The following MAP2K5 variants were observed in gnomAD, a reference collection of about 807,000 sequenced individuals.
MAP2K5 encodes the protein mitogen-activated protein kinase kinase 5.
A neutral mutation model predicts 83.1 loss-of-function variants in MAP2K5; 49 were observed. The observed-to-expected ratio is 0.59, with a 90% CI of 0.47 to 0.75. The LOEUF (loss-of-function observed/expected upper bound fraction) is 0.75, where lower values mean the gene tolerates loss of function less well. MAP2K5 is among the 30% of genes least tolerant of loss of function. The pLI is 0.00. For missense variants in MAP2K5, 457 were observed against 557.5 expected (o/e 0.82, Z 1.82); for synonymous variants, 202 against 191.8 (o/e 1.05, Z -0.44).
Position 67,769,781 on chromosome 15 carries a change from G to A in MAP2K5, c.1196+118G>A, listed in dbSNP as rs2090107741. 1.2e-5 allele frequency: 11 copies of A among 945,630 alleles called. No individual in the cohort carries two copies. Among genetic ancestry groups the A allele is most frequent in the Admixed American group, 9.1e-5 (4 of 44,000 alleles). 58.6% of individuals were successfully genotyped at this position (945,630 alleles called of 1,614,324 possible). A position where few individuals can be genotyped will look rare whatever the true frequency, so the allele number is the denominator to read the frequency against. ...TCCTTTTGGAGACAGGAGGGACTTC[G>A]GGGCCTTGGGCAGATGGGGCAGCAA... On this transcript the variant is annotated intron_variant, in intron 20 of 21. Coordinates refer to ENST00000178640, the MANE Select transcript of MAP2K5 (RefSeq NM_145160.3). The surrounding 1 kb of genome is among the most constrained non-coding windows in gnomAD (Gnocchi z 5.2).
chr15:67,612,897 A>G (rs1272155411), intron 8 of MAP2K5, among the ~76,000 whole-genome samples: 1 of 152,200 alleles, frequency 6.6e-6, no homozygotes, highest in African/African-American at 2.4e-5. Context: ...TGATTTCAGC[A>G]TTGATTTTGG....
At chr15:67,683,143 A>C (rs543634287) in intron 13 of MAP2K5, among the ~76,000 whole-genome samples, 1 of 142,720 alleles carries the variant, frequency 7.0e-6, no homozygotes, top group African/African-American at 2.8e-5. Flanking sequence ...ACTCTGTCTC[A>C]AAAAAAAAAA....
Position 67,562,495 on chromosome 15 carries a change from ATACT to A in MAP2K5, c.185-783_185-780del, listed in dbSNP as rs893353963. Among the ~76,000 whole-genome samples the A allele has an allele frequency of 1.3e-5, 2 of 152,198 alleles. No individual in the cohort carries two copies. The highest frequency in any genetic ancestry group is 4.8e-5 in the African/African-American group (2 of 41,452). On this transcript the variant is annotated intron_variant, in intron 2 of 21. Transcript: ENST00000178640. This position sits in a 1 kb window ranked among gnomAD's most constrained non-coding sequence, Gnocchi z 4.1. ...TTATTTCTAGATGTGGCCTCTGATG[ATACT>A]TACTCAAATTTACACATTCTGGTTA... is the stretch of plus-strand genomic sequence containing the variant.
At chr15:67,546,867 C>A (rs1465946623) in intron 1 of MAP2K5, among the ~76,000 whole-genome samples, 3 of 151,974 alleles carry the variant, frequency 2.0e-5, no homozygotes, top group Admixed American at 6.6e-5. Flanking sequence ...GAGTTCGAGA[C>A]CAGCCTGGGC....
chr15:67,617,196 T>G (rs749083156), intron 8 of MAP2K5, among the ~76,000 whole-genome samples: 1 of 152,350 alleles, frequency 6.6e-6, no homozygotes, highest in African/African-American at 2.4e-5. Context: ...ATATTGTCAG[T>G]TATGCTGAAA....
intron 11 of MAP2K5, among the ~76,000 whole-genome samples, chr15:67,647,555 T>A (rs1457835085): frequency 6.6e-6 from 1 of 152,012 alleles, no homozygotes; most frequent in Admixed American, 6.6e-5. Context: ...GAGACCAGCA[T>A]AAGCAATATA....
intron 21 of MAP2K5, among the ~76,000 whole-genome samples, chr15:67,800,617 C>A (rs759483686): frequency 6.6e-6 from 1 of 152,136 alleles, no homozygotes; most frequent in Non-Finnish European, 1.5e-5. Context: ...TCATATGAAT[C>A]GTTTATGGTA....
intron 13 of MAP2K5, among the ~76,000 whole-genome samples, chr15:67,689,345 C>G (rs2088039041): frequency 6.6e-6 from 1 of 152,114 alleles, no homozygotes; most frequent in African/African-American, 2.4e-5. Context: ...TACAGAAATT[C>G]AAAGAAGATA....
chr15:67,721,997 A>C (rs939387874), intron 16 of MAP2K5, among the ~76,000 whole-genome samples: 1 of 152,198 alleles, frequency 6.6e-6, no homozygotes, highest in Non-Finnish European at 1.5e-5. Context: ...AATTGTCTTT[A>C]ATTAAAGTGA....
chr15:67,797,891 C>T (rs1369197195), intron 21 of MAP2K5, among the ~76,000 whole-genome samples: 1 of 152,198 alleles, frequency 6.6e-6, no homozygotes, highest in Non-Finnish European at 1.5e-5. Flanking sequence ...CCGTATTGGT[C>T]AGGCTGGTCT....
intron 11 of MAP2K5, among the ~76,000 whole-genome samples, chr15:67,656,223 AT>A (rs2087073272): frequency 6.6e-6 from 1 of 152,126 alleles, no homozygotes; most frequent in South Asian, 2.1e-4. Flanking sequence ...AATTCTGTCA[AT>A]TTGCATCATA....
rs537666847 is a variant in MAP2K5, at chr15:67,715,619, C to T, written c.1044+12211C>T. Among the ~76,000 whole-genome samples the T allele has an allele frequency of 6.6e-5, 10 of 152,222 alleles. No homozygotes were observed. In the East Asian group the frequency reaches 1.7e-3, roughly 26 times the overall value. ...ACAGCACATACTCATATCATGTATA[C>T]ACACAAATACACAGAATTTGAAATT... On this transcript the variant is annotated intron_variant, in intron 16 of 21. Transcript: ENST00000178640.
At chr15:67,678,962 C>CAAAAAAAAAAAAA (rs35828534) in intron 13 of MAP2K5, among the ~76,000 whole-genome samples, 1 of 115,964 alleles carries the variant, frequency 8.6e-6, no homozygotes, top group Non-Finnish European at 1.7e-5. Flanking sequence ...CACTGCATCT[C>CAAAAAAAAAAAAA]AAAAAAAAAA....
chr15:67,610,613 T>G (rs1464995081), intron 8 of MAP2K5, among the ~76,000 whole-genome samples: 1 of 152,160 alleles, frequency 6.6e-6, no homozygotes, highest in Non-Finnish European at 1.5e-5. Context: ...CCACAGTTTT[T>G]TTTTCTTTGC....
chr15:67,804,143 C>T (rs758172332), intron 21 of MAP2K5, among the ~76,000 whole-genome samples: 12 of 152,152 alleles, frequency 7.9e-5, no homozygotes, highest in African/African-American at 1.2e-4. Context: ...CCGTCACGAC[C>T]CCCCGCCTGC....
intron 9 of MAP2K5, among the ~76,000 whole-genome samples, chr15:67,633,373 C>T (rs571924824): frequency 2.6e-5 from 4 of 152,260 alleles, no homozygotes; most frequent in Non-Finnish European, 5.9e-5. Context: ...TGTTATAAAT[C>T]GTCTAGAAAT....
intron 3 of MAP2K5, among the ~76,000 whole-genome samples, chr15:67,575,270 T>TG: frequency 6.8e-6 from 1 of 148,122 alleles, no homozygotes; most frequent in Non-Finnish European, 1.5e-5. Flanking sequence ...TGAAAAACAG[T>TG]GGGGGAAATC....
chr15:67,678,179 T>C (rs745899431), intron 13 of MAP2K5, among the ~76,000 whole-genome samples: 2 of 152,154 alleles, frequency 1.3e-5, no homozygotes, highest in African/African-American at 2.4e-5. Context: ...ACTAGATAGA[T>C]ATATTGTTTT....
intron 12 of MAP2K5, 36 bp from the exon 13 acceptor site, chr15:67,664,561 T>C (rs371223524): frequency 2.4e-5 from 31 of 1,301,186 alleles, no homozygotes; most frequent in Non-Finnish European, 3.4e-5. Context: ...AAAACCATAA[T>C]TGATAATTGT....
Sources: gnomAD v4.1 joint callset for allele counts (sites outside exome capture counted in the v4.1 genomes callset) on GRCh38, gnomAD v4.1.1 for gene constraint, Gnocchi (gnomAD v3.1) non-coding constraint, MANE v1.5 for transcripts, NCBI Gene and HGNC (gene_info 2026-07-23, HGNC 2026-07-21) for gene names.